The following SGCZ variants were observed in gnomAD, a reference collection of about 807,000 sequenced individuals.
SGCZ encodes the protein sarcoglycan zeta, also known as zeta-sarcoglycan.
A neutral mutation model predicts 41.3 loss-of-function variants in SGCZ; 40 were observed. That is an observed-to-expected ratio of 0.97 (90% CI 0.75 to 1.26). SGCZ has a LOEUF of 1.26. Ranked by LOEUF, SGCZ falls within the 50% of genes most tolerant of loss-of-function variation. SGCZ has a pLI of 0.00. For synonymous variants in SGCZ, 206 were observed against 137.5 expected (o/e 1.50, Z -3.49); for missense variants, 552 against 369.8 (o/e 1.49, Z -4.04).
chr8:14,938,930 G>A (rs892794243), intron 1 of SGCZ, among the ~76,000 whole-genome samples: 22 of 151,970 alleles, frequency 1.4e-4, no homozygotes, highest in Non-Finnish European at 2.6e-4. Context: ...GGATTCAAAG[G>A]GCTAAGGGTA....
intron 2 of SGCZ, among the ~76,000 whole-genome samples, chr8:14,401,076 G>C (rs998407467): frequency 7.9e-5 from 12 of 152,086 alleles, no homozygotes; most frequent in Non-Finnish European, 1.5e-4. Context: ...TGTAATTAAT[G>C]GAAGGAAAGC....
intron 1 of SGCZ, among the ~76,000 whole-genome samples, chr8:15,070,966 T>C (rs1390749358): frequency 3.9e-5 from 6 of 152,180 alleles, no homozygotes; most frequent in Non-Finnish European, 7.4e-5. Flanking sequence ...AGGGGTGAGA[T>C]GATAATGTGA....
At chr8:14,476,095 G>A (rs763763711) in intron 2 of SGCZ, among the ~76,000 whole-genome samples, 1 of 152,078 alleles carries the variant, frequency 6.6e-6, no homozygotes, top group Admixed American at 6.6e-5. Context: ...GTGCTGGCCT[G>A]ATGGTTATTC....
intron 1 of SGCZ, among the ~76,000 whole-genome samples, chr8:14,781,326 G>C (rs1233855590): frequency 6.6e-6 from 1 of 152,234 alleles, no homozygotes. Context: ...CAGCCTCCCA[G>C]GTTCTAGCGA....
At chr8:14,795,036 T>C (rs1478688338) in intron 1 of SGCZ, among the ~76,000 whole-genome samples, 1 of 152,158 alleles carries the variant, frequency 6.6e-6, no homozygotes, top group African/African-American at 2.4e-5. Flanking sequence ...AAATGGAGGA[T>C]ATGGTTTACA....
chr8:14,260,745 C>G (rs946479779), intron 3 of SGCZ, among the ~76,000 whole-genome samples: 1 of 152,174 alleles, frequency 6.6e-6, no homozygotes, highest in Non-Finnish European at 1.5e-5. Flanking sequence ...GGCACATATA[C>G]ACCATGGAAT....
intron 1 of SGCZ, among the ~76,000 whole-genome samples, chr8:15,129,937 T>C (rs1028729242): frequency 2.6e-5 from 4 of 152,048 alleles, no homozygotes; most frequent in Non-Finnish European, 4.4e-5. Context: ...TATGCATATA[T>C]ACATATACAT....
intron 2 of SGCZ, among the ~76,000 whole-genome samples, chr8:14,529,900 A>C (rs2117122054): frequency 6.6e-6 from 1 of 152,248 alleles, no homozygotes; most frequent in African/African-American, 2.4e-5. Flanking sequence ...TATGCAATGC[A>C]CTTTGAAATT....
intron 1 of SGCZ, among the ~76,000 whole-genome samples, chr8:15,190,380 T>G (rs1006009790): frequency 3.3e-5 from 5 of 149,572 alleles, no homozygotes; most frequent in Non-Finnish European, 1.5e-5. Context: ...ATTATGTATT[T>G]TGCACCTACC....
intron 4 of SGCZ, among the ~76,000 whole-genome samples, chr8:14,166,588 T>A (rs1032265820): frequency 2.6e-5 from 4 of 152,176 alleles, no homozygotes; most frequent in African/African-American, 9.7e-5. Context: ...CCTTCAAATA[T>A]ACTCAGTTGC....
chr8:14,385,899 G>C (rs1210827620), intron 2 of SGCZ, among the ~76,000 whole-genome samples: 1 of 151,948 alleles, frequency 6.6e-6, no homozygotes, highest in African/African-American at 2.4e-5. Flanking sequence ...ATGTAAAATG[G>C]CATAGTATTT....
chr8:14,331,471 T>C (rs981612115), intron 2 of SGCZ, among the ~76,000 whole-genome samples: 1 of 152,226 alleles, frequency 6.6e-6, no homozygotes, highest in Admixed American at 6.5e-5. Flanking sequence ...ATATGTGTGT[T>C]TTACAATGTT....
chr8:14,947,410 T>G (rs886297934), intron 1 of SGCZ, among the ~76,000 whole-genome samples: 10 of 152,132 alleles, frequency 6.6e-5, no homozygotes, highest in Non-Finnish European at 1.2e-4. Context: ...TTTGTCCCCT[T>G]ATAACTCTTT....
At chr8:14,253,578 A>G (rs1799359986) in intron 3 of SGCZ, among the ~76,000 whole-genome samples, 1 of 152,078 alleles carries the variant, frequency 6.6e-6, no homozygotes. Flanking sequence ...CTGTATCCAT[A>G]TATCTGTCTA....
chr8:14,274,530 T>A (rs1302595957), intron 3 of SGCZ, among the ~76,000 whole-genome samples: 2 of 152,144 alleles, frequency 1.3e-5, no homozygotes, highest in African/African-American at 4.8e-5. Flanking sequence ...AACACTATAT[T>A]TTTCTAGTGC....
At chr8:14,618,568 C>A (rs1806181879) in intron 1 of SGCZ, among the ~76,000 whole-genome samples, 1 of 152,170 alleles carries the variant, frequency 6.6e-6, no homozygotes, top group Non-Finnish European at 1.5e-5. Flanking sequence ...ATAGGTCAGG[C>A]AGCCTATGCA....
At chr8:14,339,491 C>G (rs1265143844) in intron 2 of SGCZ, among the ~76,000 whole-genome samples, 4 of 152,182 alleles carry the variant, frequency 2.6e-5, no homozygotes, top group Admixed American at 1.3e-4. Flanking sequence ...TCCAAGCTTT[C>G]AGTACAAAAT....
intron 1 of SGCZ, among the ~76,000 whole-genome samples, chr8:15,202,003 G>C (rs752696272): frequency 8.6e-5 from 13 of 152,022 alleles, no homozygotes; most frequent in Non-Finnish European, 1.8e-4. Context: ...AAAAGAATTA[G>C]GGATGCTTTT....
At chr8:14,217,397 C>G (rs1806037180) in intron 4 of SGCZ, among the ~76,000 whole-genome samples, 1 of 151,186 alleles carries the variant, frequency 6.6e-6, no homozygotes, top group African/African-American at 2.4e-5. Context: ...AAAGAAACGC[C>G]TATTGTCAAT....
Sources: gnomAD v4.1 joint callset for allele counts (sites outside exome capture counted in the v4.1 genomes callset) on GRCh38, gnomAD v4.1.1 for gene constraint, MANE v1.5 for transcripts, NCBI Gene and HGNC (gene_info 2026-07-23, HGNC 2026-07-21) for gene names.